CNNM2: variants seen among roughly 807,000 people sequenced by gnomAD.
The protein encoded by CNNM2 is cyclin and CBS domain divalent metal cation transport mediator 2.
CNNM2 carries 12 observed loss-of-function variants against 66.9 expected under a neutral mutation model. The ratio of observed to expected loss-of-function variants is 0.18; its 90% CI spans 0.11 to 0.29. The LOEUF is 0.29. Among genes scored for constraint, CNNM2 ranks in the 10% least tolerant of loss-of-function variants. The pLI is 1.00. For synonymous variants in CNNM2, 557 were observed against 501.8 expected (o/e 1.11, Z -1.47); for missense variants, 705 against 1,167.7 (o/e 0.60, Z 5.77).
At chr10:103,039,683 G>A (rs763053757) in intron 1 of CNNM2, among the ~76,000 whole-genome samples, 5 of 152,264 alleles carry the variant, frequency 3.3e-5, no homozygotes, top group South Asian at 2.1e-4. Context: ...GGTACGGTGC[G>A]GCTGTGGCAG....
intron 1 of CNNM2, among the ~76,000 whole-genome samples, chr10:102,973,825 C>T (rs923340831): frequency 8.9e-4 from 134 of 149,996 alleles, no homozygotes; most frequent in African/African-American, 3.1e-3. Context: ...TTCCCCCCCC[C>T]CCTTTTTTAA....
intron 1 of CNNM2, among the ~76,000 whole-genome samples, chr10:102,931,320 T>C (rs1846054314): frequency 1.3e-5 from 2 of 151,754 alleles, no homozygotes; most frequent in Admixed American, 6.6e-5. Flanking sequence ...TGTTAATCTT[T>C]TAGTGTTAAG....
chr10:103,028,309 A>AAG (rs2064746393), intron 1 of CNNM2, among the ~76,000 whole-genome samples: 1 of 152,224 alleles, frequency 6.6e-6, no homozygotes, highest in South Asian at 2.1e-4. Flanking sequence ...CTAGTCATTC[A>AAG]GTAAACACTT....
At chr10:103,065,383 CT>C (rs1372996370) in intron 4 of CNNM2, among the ~76,000 whole-genome samples, 3 of 152,230 alleles carry the variant, frequency 2.0e-5, no homozygotes, top group African/African-American at 7.2e-5. Flanking sequence ...ATCTGGGAAT[CT>C]CTGCTTTGAG....
chr10:103,071,378 G>A (rs1320470702), intron 5 of CNNM2, among the ~76,000 whole-genome samples: 1 of 152,238 alleles, frequency 6.6e-6, no homozygotes. Context: ...TGTGCAGTGA[G>A]TGAGTATTGG....
At chr10:102,958,947 T>C (rs1406132777) in intron 1 of CNNM2, among the ~76,000 whole-genome samples, 5 of 152,004 alleles carry the variant, frequency 3.3e-5, no homozygotes, top group Non-Finnish European at 7.4e-5. Context: ...TTTTATTTTA[T>C]TTATTATTCT....
Position 103,059,750 on chromosome 10 carries a change from T to TA in CNNM2, c.2073+2796dup, listed in dbSNP as rs35226905. ...CACCATCATAGAAGATCAGGCATACTAAAAAAAAAAGTCATAGTTTTAAAC... is the reference window on the plus strand; with the variant it reads ...CACCATCATAGAAGATCAGGCATACTAAAAAAAAAAAGTCATAGTTTTAAAC... On this transcript the variant is annotated intron_variant, in intron 4 of 7. Coordinates refer to ENST00000369878, the MANE Select transcript of CNNM2 (RefSeq NM_017649.5). Among the ~76,000 whole-genome samples, 221 of 149,800 alleles carry TA rather than the reference T, an allele frequency of 1.5e-3. 1 individual carries two copies. The highest frequency in any genetic ancestry group is 4.8e-3 in the African/African-American group (198 of 40,888).
chr10:102,994,119 T>G (rs2063945286), intron 1 of CNNM2, among the ~76,000 whole-genome samples: 1 of 152,130 alleles, frequency 6.6e-6, no homozygotes, highest in African/African-American at 2.4e-5. Flanking sequence ...GTATTTTTAG[T>G]AGAGACGGGG....
intron 1 of CNNM2, among the ~76,000 whole-genome samples, chr10:102,922,558 A>G (rs142416698): frequency 3.9e-5 from 6 of 152,310 alleles, no homozygotes; most frequent in African/African-American, 1.4e-4. Flanking sequence ...CTCATTTACA[A>G]AAGAAAACCC....
At chr10:103,022,412 A>G (rs970353447) in intron 1 of CNNM2, among the ~76,000 whole-genome samples, 3 of 152,222 alleles carry the variant, frequency 2.0e-5, no homozygotes, top group African/African-American at 7.2e-5. Context: ...GTGACCTTAT[A>G]GACAAGGTGT....
chr10:103,038,820 T>C (rs148890246), intron 1 of CNNM2, among the ~76,000 whole-genome samples: 17 of 152,322 alleles, frequency 1.1e-4, no homozygotes, highest in African/African-American at 3.8e-4. Flanking sequence ...GCAACAGTTA[T>C]CATTTAAAAC....
At chr10:103,032,693 A>AT (rs1354891330) in intron 1 of CNNM2, among the ~76,000 whole-genome samples, 2 of 136,956 alleles carry the variant, frequency 1.5e-5, no homozygotes, top group African/African-American at 5.6e-5. Context: ...AAATAGCTGC[A>AT]TAGCATTCTA....
intron 1 of CNNM2, among the ~76,000 whole-genome samples, chr10:102,977,966 A>G (rs1167129037): frequency 1.3e-5 from 2 of 151,336 alleles, no homozygotes; most frequent in African/African-American, 4.9e-5. Flanking sequence ...CTGGAGTGCA[A>G]TGGTGTGATC....
chr10:103,076,878 C>A, intron 7 of CNNM2, 93 bp from the exon 8 acceptor site: 1 of 1,121,590 alleles, frequency 8.9e-7, no homozygotes, highest in African/African-American at 1.5e-5. Context: ...AGAGAGGCTG[C>A]TGTGGGCCTG....
intron 1 of CNNM2, among the ~76,000 whole-genome samples, chr10:102,952,941 A>T (rs548862275): frequency 6.6e-6 from 1 of 152,332 alleles, no homozygotes; most frequent in African/African-American, 2.4e-5. Flanking sequence ...GTCATTGTGA[A>T]GTCAGTTGGT....
chr10:103,014,511 G>A (rs1314229413), intron 1 of CNNM2, among the ~76,000 whole-genome samples: 19 of 152,134 alleles, frequency 1.2e-4, no homozygotes, highest in Non-Finnish European at 2.1e-4. Context: ...CAAAGCCCTC[G>A]ATTCTGCTAT....
At position 102,918,865 on chromosome 10, in the gene CNNM2, A is replaced by G; in HGVS notation, c.385A>G (p.Ser129Gly). Residue 129 changes from serine to glycine, a missense_variant, in exon 1 of 8, where the codon AGC becomes GGC. Around this residue, in one of 9 missense-constraint regions of CNNM2, gnomAD observed 15 missense variants for 58.1 expected, o/e 0.26. Coordinates refer to ENST00000369878, the MANE Select transcript of CNNM2 (RefSeq NM_017649.5). The surrounding 1 kb of genome is among the most constrained non-coding windows in gnomAD (Gnocchi z 4.1). Reference sequence around the variant, plus strand: ...CACCGAGCACGAGCGGCGGCGCCACAGCCCGGGGGAGCGCGGGCTGGGGGG... The same window carrying G: ...CACCGAGCACGAGCGGCGGCGCCACGGCCCGGGGGAGCGCGGGCTGGGGGG... ...AFTEHERRRH[S>G]PGERGLGGPA... The G allele has an allele frequency of 6.2e-7, 1 of 1,603,548 alleles. No individual in the cohort carries two copies. The highest frequency in any genetic ancestry group is 1.7e-5 in the Admixed American group (1 of 58,954).
chr10:102,946,540 G>T (rs1297389888), intron 1 of CNNM2, among the ~76,000 whole-genome samples: 1 of 152,040 alleles, frequency 6.6e-6, no homozygotes, highest in Non-Finnish European at 1.5e-5. Context: ...AAGCACTTGT[G>T]CTAGCTGTTG....
At chr10:103,025,514 T>G (rs1458723366) in intron 1 of CNNM2, among the ~76,000 whole-genome samples, 1 of 152,262 alleles carries the variant, frequency 6.6e-6, no homozygotes, top group African/African-American at 2.4e-5. Context: ...TTTTAGCATC[T>G]GTTAATGTTC....
Sources: gnomAD v4.1 joint callset for allele counts (sites outside exome capture counted in the v4.1 genomes callset) on GRCh38, gnomAD v4.1.1 for gene constraint, gnomAD v4.1.1 regional missense constraint, Gnocchi (gnomAD v3.1) non-coding constraint, MANE v1.5 for transcripts, NCBI Gene and HGNC (gene_info 2026-07-23, HGNC 2026-07-21) for gene names.